RFX4: variants seen among roughly 807,000 people sequenced by gnomAD.
RFX4 encodes transcription factor RFX4.
In RFX4, 10 loss-of-function variants were observed where a neutral mutation model predicts 95.0. The ratio of observed to expected loss-of-function variants is 0.11; its 90% CI spans 0.06 to 0.18. The LOEUF (loss-of-function observed/expected upper bound fraction) is 0.18, where lower values mean the gene tolerates loss of function less well. Among genes scored for constraint, RFX4 ranks in the 10% least tolerant of loss-of-function variants. RFX4 has a pLI of 1.00. For missense variants in RFX4, 640 were observed against 922.0 expected, an observed-to-expected ratio of 0.69 and a Z score of 3.96; for synonymous variants, 321 against 340.7, an observed-to-expected ratio of 0.94 and a Z score of 0.64.
intron 15 of RFX4, among the ~76,000 whole-genome samples, chr12:106,744,588 G>T (rs12308189): frequency 1.3e-3 from 198 of 152,252 alleles, no homozygotes; most frequent in African/African-American, 4.6e-3. Flanking sequence ...CAACAGTCCT[G>T]CAAGATAGAT....
intron 5 of RFX4, chr12:106,685,056 G>T: frequency 1.5e-6 from 2 of 1,338,626 alleles, no homozygotes; most frequent in Non-Finnish European, 1.0e-6. Context: ...GTAGAGAAAA[G>T]TAGTTAATAT....
In RFX4 at chr12:106,651,700, G is replaced by T. The variant is rs187015238; in HGVS notation, c.192-2528G>T. Among the ~76,000 whole-genome samples, 20 of 152,296 alleles carry T rather than the reference G, an allele frequency of 1.3e-4. No individual in the cohort carries two copies. The East Asian group carries it at 2.7e-3, about 21-fold the overall frequency. On this transcript the variant is annotated intron_variant, in intron 3 of 17. Coordinates refer to ENST00000392842, the MANE Select transcript of RFX4 (RefSeq NM_213594.3). ...AGACAAGGAACAGAAAATAGACAGGGTACAAAGAAATAGGGAGGAGTGAGG... is the reference window on the plus strand; with the variant it reads ...AGACAAGGAACAGAAAATAGACAGGTTACAAAGAAATAGGGAGGAGTGAGG...
rs1236618677 is a variant in RFX4, at chr12:106,761,370, A to G, written c.2109A>G (p.Thr703=). The G allele has an allele frequency of 6.2e-7, 1 of 1,613,838 alleles. No homozygotes were observed. The highest frequency in any genetic ancestry group is 8.5e-7 in the Non-Finnish European group (1 of 1,179,998). ...ARYGNSSDMY[T]PLTTRRNSEY... is the part of the protein sequence containing the mutation. ...ACGGAAACTCTAGTGACATGTATAC[A>G]CCTCTGACAACGCGCAGGAATTCTG... is the stretch of plus-strand genomic sequence containing the variant. Residue 703 remains threonine, a synonymous_variant, in exon 18 of 18, where the codon ACA becomes ACG. Transcript: ENST00000392842.
chr12:106,730,409 C>T (rs1397055624), intron 13 of RFX4, among the ~76,000 whole-genome samples: 1 of 152,144 alleles, frequency 6.6e-6, no homozygotes, highest in Non-Finnish European at 1.5e-5. Context: ...GTGCTATGAA[C>T]ATATTGAACT....
chr12:106,634,068 G>T (rs954487743), intron 2 of RFX4, among the ~76,000 whole-genome samples: 6 of 152,224 alleles, frequency 3.9e-5, no homozygotes, highest in African/African-American at 1.4e-4. Flanking sequence ...CCTGATAAAA[G>T]ATGAGGCAAA....
At chr12:106,597,300 A>G (rs1417383063) in intron 1 of RFX4, among the ~76,000 whole-genome samples, 1 of 152,048 alleles carries the variant, frequency 6.6e-6, no homozygotes. Flanking sequence ...TAATTTGCCC[A>G]GGGTTGCAGA....
chr12:106,583,423 G>A, intron 1 of RFX4, 60 bp downstream of exon 1: 1 of 1,400,698 alleles, frequency 7.1e-7, no homozygotes, highest in South Asian at 1.4e-5. Context: ...GGGAGAGGGG[G>A]AACTTTAGAA....
chr12:106,695,550 T>G (rs1174901164), intron 7 of RFX4, among the ~76,000 whole-genome samples: 1 of 152,158 alleles, frequency 6.6e-6, no homozygotes, highest in African/African-American at 2.4e-5. Context: ...ATCATATTAA[T>G]AGTAATAATT....
At chr12:106,600,262 T>A (rs2039681190) in intron 1 of RFX4, among the ~76,000 whole-genome samples, 1 of 152,210 alleles carries the variant, frequency 6.6e-6, no homozygotes, top group Admixed American at 6.5e-5. Context: ...GCACATGCTG[T>A]TCCTTCTGCC....
At chr12:106,708,661 A>C (rs1218191536) in intron 8 of RFX4, among the ~76,000 whole-genome samples, 1 of 152,134 alleles carries the variant, frequency 6.6e-6, no homozygotes, top group African/African-American at 2.4e-5. Context: ...GAACGAACCT[A>C]GGCCTGTGAG....
intron 4 of RFX4, among the ~76,000 whole-genome samples, chr12:106,670,107 G>T (rs1382752384): frequency 6.6e-6 from 1 of 152,116 alleles, no homozygotes; most frequent in Non-Finnish European, 1.5e-5. Flanking sequence ...AACACTCAAT[G>T]CTTGTTAGTT....
At position 106,586,789 on chromosome 12, in the gene RFX4, C is replaced by T. The variant is rs951148156; in HGVS notation, c.43+3426C>T. On this transcript the variant is annotated intron_variant, in intron 1 of 17. Transcript: ENST00000392842. This position sits in a 1 kb window ranked among gnomAD's most constrained non-coding sequence, Gnocchi z 5.6. ...GGCCCGGGGTAGGGATGTCCAGTGG[C>T]CTTGGCGCCGTGCCCACAAGGCAAA... Among the ~76,000 whole-genome samples the T allele has an allele frequency of 3.9e-5, 6 of 152,228 alleles. No homozygotes were observed. The highest frequency in any genetic ancestry group is 1.2e-4 in the African/African-American group (5 of 41,468).
chr12:106,679,456 GAAA>G (rs1370524998), intron 4 of RFX4, among the ~76,000 whole-genome samples: 1 of 128,642 alleles, frequency 7.8e-6, no homozygotes, highest in Middle Eastern at 3.5e-3. Flanking sequence ...CTCTGTCTCA[GAAA>G]AAAACAAAAA....
chr12:106,738,776 C>T (rs2042756157), intron 15 of RFX4, among the ~76,000 whole-genome samples: 1 of 152,054 alleles, frequency 6.6e-6, no homozygotes, highest in African/African-American at 2.4e-5. Context: ...GAAAAGAAAC[C>T]CAATTTCCTA....
intron 15 of RFX4, among the ~76,000 whole-genome samples, chr12:106,741,288 CA>C (rs958014936): frequency 6.7e-6 from 1 of 149,372 alleles, no homozygotes; most frequent in Non-Finnish European, 1.5e-5. Context: ...TCTCAAAAAA[CA>C]AAAAAAAAGA....
chr12:106,614,725 G>A (rs2137220495), intron 2 of RFX4, among the ~76,000 whole-genome samples: 2 of 151,682 alleles, frequency 1.3e-5, no homozygotes, highest in South Asian at 4.2e-4. Context: ...TAGCCAGGAT[G>A]GTCTCGATCT....
intron 4 of RFX4, among the ~76,000 whole-genome samples, chr12:106,657,779 A>C (rs921649084): frequency 7.2e-5 from 11 of 152,156 alleles, no homozygotes; most frequent in African/African-American, 2.7e-4. Flanking sequence ...ATCATTCTCT[A>C]AATGATGGCC....
chr12:106,750,732 C>T lies in RFX4; in HGVS notation c.1874C>T (p.Pro625Leu). 3 of 1,612,912 alleles carry T rather than the reference C, an allele frequency of 1.9e-6. No homozygotes were observed. Among genetic ancestry groups the T allele is most frequent in the Admixed American group, 1.7e-5 (1 of 59,798 alleles). Reference sequence around the variant, plus strand: ...ATGCAGAGCCAGTATCCGGCCCTCCCTCATGACACAGCTATCTCTGGGCCA... The same window carrying T: ...ATGCAGAGCCAGTATCCGGCCCTCCTTCATGACACAGCTATCTCTGGGCCA... Reference protein sequence around the residue: ...HPMQSQYPALPHDTAISGPLH... With the variant: ...HPMQSQYPALLHDTAISGPLH... Residue 625 changes from proline to leucine, a missense_variant, in exon 17 of 18, where the codon CCT becomes CTT. By Grantham distance (98) the Pro-to-Leu change is moderately conservative. Transcript: ENST00000392842.
chr12:106,689,856 C>T lies in RFX4; in HGVS notation c.669+492C>T, dbSNP rs566718485. Among the ~76,000 whole-genome samples the T allele has an allele frequency of 8.8e-4, 134 of 152,052 alleles. 1 individual carries two copies. Among genetic ancestry groups the T allele is most frequent in the Admixed American group, 1.4e-3 (22 of 15,278 alleles). On this transcript the variant is annotated intron_variant, in intron 7 of 17. Transcript: ENST00000392842. ...CATCAAATCCCATTAGTAGGGCCATCGTTAAATACAAACAATGTAAGAAGT... is the reference window on the plus strand; with the variant it reads ...CATCAAATCCCATTAGTAGGGCCATTGTTAAATACAAACAATGTAAGAAGT...
Sources: gnomAD v4.1 joint callset for allele counts (sites outside exome capture counted in the v4.1 genomes callset) on GRCh38, gnomAD v4.1.1 for gene constraint, Gnocchi (gnomAD v3.1) non-coding constraint, MANE v1.5 for transcripts, NCBI Gene and HGNC (gene_info 2026-07-23, HGNC 2026-07-21) for gene names.